Variants in ME3 observed in about 807,000 individuals in gnomAD.
ME3 encodes NADP-dependent malic enzyme, mitochondrial.
In ME3, 48 loss-of-function variants were observed where a neutral mutation model predicts 68.9. That is an observed-to-expected ratio of 0.70 (90% confidence interval 0.55 to 0.89). The LOEUF (loss-of-function observed/expected upper bound fraction) is 0.89, where lower values mean the gene tolerates loss of function less well. Ranked by LOEUF, ME3 falls within the 40% of genes least tolerant of loss-of-function variation. The probability of loss-of-function intolerance (pLI) is 0.00; values close to 1 mark genes in which losing one functional copy is unlikely to be tolerated. For synonymous variants in ME3, 320 were observed against 318.8 expected (o/e 1.00, Z -0.04); for missense variants, 675 against 797.4 (o/e 0.85, Z 1.85).
At chr11:86,664,524 C>T (rs753522358) in intron 2 of ME3, among the ~76,000 whole-genome samples, 13 of 152,320 alleles carry the variant, frequency 8.5e-5, no homozygotes, top group South Asian at 6.2e-4. Flanking sequence ...AACAGCAAAT[C>T]TCCCTCTTGT....
chr11:86,504,945 C>G (rs1192193215), intron 5 of ME3, among the ~76,000 whole-genome samples: 1 of 152,216 alleles, frequency 6.6e-6, no homozygotes, highest in Non-Finnish European at 1.5e-5. Flanking sequence ...CCCGCCTCAG[C>G]CTCCCAAAGT....
intron 6 of ME3, among the ~76,000 whole-genome samples, chr11:86,491,980 A>G (rs577567741): frequency 3.9e-5 from 6 of 152,300 alleles, no homozygotes; most frequent in African/African-American, 1.2e-4. Flanking sequence ...TTTGGAGGCA[A>G]CGTGCCGCAG....
downstream of ME3, chr11:86,436,276 T>C (rs1188019760): frequency 2.0e-5 from 3 of 152,196 alleles, no homozygotes; most frequent in Non-Finnish European, 4.4e-5. Context: ...ATGTTAAACA[T>C]TTTTCATGTG....
At chr11:86,456,383 C>T (rs1949927907) in intron 8 of ME3, among the ~76,000 whole-genome samples, 1 of 152,150 alleles carries the variant, frequency 6.6e-6, no homozygotes, top group African/African-American at 2.4e-5. Context: ...GGGTTATTTG[C>T]AGGTTGAATA....
In ME3 at chr11:86,560,748, G is replaced by GTGTATGTGTGTATATATATATA. The variant is rs1243025217; in HGVS notation, c.184-926_184-925insTATATATATATACACACATACA. The stretch of plus-strand genomic sequence containing the variant: ...TGTATGTGTGTGTGTGTGTGTGTGT[G>GTGTATGTGTGTATATATATATA]TATATATATATATATATATATATAT... On this transcript the variant is annotated intron_variant, in intron 2 of 14. Coordinates refer to ENST00000543262, the Ensembl canonical transcript of ME3. Among the ~76,000 whole-genome samples the GTGTATGTGTGTATATATATATA allele has an allele frequency of 6.4e-5, 4 of 62,524 alleles. No individual in the cohort carries two copies. In the East Asian group the frequency reaches 2.7e-3, roughly 42 times the overall value. 41.0% of individuals were successfully genotyped at this position (62,524 alleles called of 152,430 possible). A position where few individuals can be genotyped will look rare whatever the true frequency, so the allele number is the denominator to read the frequency against.
At chr11:86,485,732 C>T (rs959591611) in intron 7 of ME3, among the ~76,000 whole-genome samples, 15 of 152,272 alleles carry the variant, frequency 9.9e-5, no homozygotes, top group Admixed American at 5.2e-4. Context: ...TATAATCATT[C>T]CCTTGAATAG....
chr11:86,620,982 A>G (rs1943311604), intron 2 of ME3, among the ~76,000 whole-genome samples: 1 of 152,166 alleles, frequency 6.6e-6, no homozygotes, highest in Non-Finnish European at 1.5e-5. Context: ...GTAATACAAT[A>G]CAGCCCAGGT....
At chr11:86,482,034 T>G (rs1198410744) in intron 7 of ME3, among the ~76,000 whole-genome samples, 2 of 152,184 alleles carry the variant, frequency 1.3e-5, no homozygotes, top group African/African-American at 4.8e-5. Context: ...GTCCTAAAAT[T>G]TGTTGAGCAC....
At chr11:86,436,007 T>C in the ME3 span, 1 of 152,188 alleles carries the variant, frequency 6.6e-6, no homozygotes, top group African/African-American at 2.4e-5. Context: ...GAATGAGTGT[T>C]TCAGACCCAA....
chr11:86,612,762 T>A (rs1942681321), intron 2 of ME3, among the ~76,000 whole-genome samples: 1 of 152,234 alleles, frequency 6.6e-6, no homozygotes, highest in Admixed American at 6.5e-5. Flanking sequence ...ATGTGGTTGT[T>A]TTTTTCTTGT....
intron 4 of ME3, among the ~76,000 whole-genome samples, chr11:86,552,685 C>T (rs1565942537): frequency 6.6e-6 from 1 of 152,176 alleles, no homozygotes; most frequent in African/African-American, 2.4e-5. Flanking sequence ...CACTGCAAGA[C>T]TCCTCTGCCA....
downstream of ME3, chr11:86,436,137 TC>T (rs1948896756): frequency 6.6e-6 from 1 of 152,132 alleles, no homozygotes; most frequent in African/African-American, 2.4e-5. Context: ...AAGGGAACTC[TC>T]CCTTAATCTA....
chr11:86,459,273 A>G (rs557471929), intron 8 of ME3, among the ~76,000 whole-genome samples: 1 of 152,242 alleles, frequency 6.6e-6, no homozygotes, highest in African/African-American at 2.4e-5. Context: ...GAAAAGTGAG[A>G]TGGGGCCCTG....
At chr11:86,543,114 T>C (rs1196731573) in intron 4 of ME3, among the ~76,000 whole-genome samples, 1 of 152,216 alleles carries the variant, frequency 6.6e-6, no homozygotes, top group African/African-American at 2.4e-5. Context: ...TGAGAGATTT[T>C]GTCACCCTCA....
At chr11:86,667,268 G>T (rs966879711) in intron 2 of ME3, among the ~76,000 whole-genome samples, 1 of 152,188 alleles carries the variant, frequency 6.6e-6, no homozygotes, top group African/African-American at 2.4e-5. Context: ...AGAGAAGCAG[G>T]TGAAGGATCA....
intron 2 of ME3, among the ~76,000 whole-genome samples, chr11:86,624,650 G>A (rs1943549230): frequency 6.6e-6 from 1 of 152,208 alleles, no homozygotes; most frequent in Non-Finnish European, 1.5e-5. Flanking sequence ...TGATTACATT[G>A]AGTGATTCGA....
chr11:86,493,462 C>T lies in ME3; in HGVS notation c.705+4501G>A, dbSNP rs568131884. 6.7e-4 allele frequency among the ~76,000 whole-genome samples: 102 copies of T among 152,338 alleles called. No homozygotes were observed. In the South Asian group the frequency reaches 0.011, roughly 17 times the overall value. On this transcript the variant is annotated intron_variant, in intron 6 of 14. Transcript: ENST00000543262. ...ACAGGGTGGGATAACCACTGGGTTT[C>T]GAGTCAAACCTTGGGGAAGCGCTTT...
intron 4 of ME3, among the ~76,000 whole-genome samples, chr11:86,510,954 A>C (rs1017846369): frequency 3.9e-5 from 6 of 152,192 alleles, no homozygotes; most frequent in African/African-American, 1.4e-4. Context: ...TTCTCAGTGA[A>C]TATTTCCCCG....
intron 2 of ME3, among the ~76,000 whole-genome samples, chr11:86,604,246 G>A (rs1027563106): frequency 6.6e-6 from 1 of 152,074 alleles, no homozygotes; most frequent in Non-Finnish European, 1.5e-5. Flanking sequence ...TTAGGTTTAA[G>A]GTCTGTGTTG....
Sources: allele counts gnomAD v4.1 joint callset (sites outside exome capture counted in the v4.1 genomes callset), GRCh38; gene constraint gnomAD v4.1.1; transcripts MANE v1.5; gene names NCBI Gene and HGNC (gene_info 2026-07-23, HGNC 2026-07-21).